NLK: variants seen among roughly 807,000 people sequenced by gnomAD.
The protein encoded by NLK is serine/threonine-protein kinase NLK.
Under a neutral mutation model 59.0 loss-of-function variants are expected in NLK, and 11 were observed. That is an observed-to-expected ratio of 0.19 (90% CI 0.12 to 0.31). The LOEUF is 0.31. Ranked by LOEUF, NLK falls within the 10% of genes least tolerant of loss-of-function variation. The pLI, the probability that NLK is intolerant of heterozygous loss-of-function variation, is 1.00. For synonymous variants in NLK, 235 were observed against 235.9 expected, an observed-to-expected ratio of 1.00 and a Z score of 0.03; for missense variants, 410 against 661.1, an observed-to-expected ratio of 0.62 and a Z score of 4.16.
At chr17:28,150,665 C>T (rs1263802286) in intron 3 of NLK, among the ~76,000 whole-genome samples, 1 of 152,190 alleles carries the variant, frequency 6.6e-6, no homozygotes, top group Non-Finnish European at 1.5e-5. Flanking sequence ...CCCACTAAAA[C>T]ACTTGCATCA....
downstream of NLK, among the ~76,000 whole-genome samples, chr17:28,199,900 G>T (rs965051009): frequency 6.6e-6 from 1 of 152,120 alleles, no homozygotes; most frequent in Non-Finnish European, 1.5e-5. Flanking sequence ...AGACAGGGTT[G>T]ACTGCCCTGG....
chr17:28,159,895 T>A (rs988772106), intron 3 of NLK, among the ~76,000 whole-genome samples: 1 of 152,138 alleles, frequency 6.6e-6, no homozygotes, highest in Non-Finnish European at 1.5e-5. Flanking sequence ...TCTGATGAAT[T>A]GGAGGTATGG....
chr17:28,191,492 G>A (rs539821074), intron 9 of NLK, among the ~76,000 whole-genome samples: 1 of 152,296 alleles, frequency 6.6e-6, no homozygotes, highest in South Asian at 2.1e-4. Flanking sequence ...TTCACTCAGT[G>A]TCATTTCATT....
At chr17:28,105,280 C>T (rs1905037898) in intron 1 of NLK, among the ~76,000 whole-genome samples, 1 of 152,202 alleles carries the variant, frequency 6.6e-6, no homozygotes, top group South Asian at 2.1e-4. Context: ...ATGTAATATA[C>T]ACCTGAAATT....
chr17:28,126,728 T>G (rs1303927435), intron 2 of NLK, among the ~76,000 whole-genome samples: 1 of 152,170 alleles, frequency 6.6e-6, no homozygotes, highest in Non-Finnish European at 1.5e-5. Context: ...CTTCACCATC[T>G]TAACACATTC....
At chr17:28,115,203 A>ATGGAAGCACTTCCTAT (rs548750245) in intron 1 of NLK, among the ~76,000 whole-genome samples, 156 of 152,312 alleles carry the variant, frequency 1.0e-3, no homozygotes, top group African/African-American at 3.7e-3. Context: ...AGAAACAGAC[A>ATGGAAGCACTTCCTAT]GGAAGCCCAT....
At chr17:28,184,920 C>A (rs1305954190) in intron 7 of NLK, among the ~76,000 whole-genome samples, 1 of 152,076 alleles carries the variant, frequency 6.6e-6, no homozygotes, top group Admixed American at 6.6e-5. Flanking sequence ...TGCACCCTAG[C>A]CTGGGTGAGA....
chr17:28,104,145 ACT>A (rs1904994310), intron 1 of NLK, among the ~76,000 whole-genome samples: 1 of 152,228 alleles, frequency 6.6e-6, no homozygotes, highest in Non-Finnish European at 1.5e-5. Flanking sequence ...GCCATTTCTC[ACT>A]CTCTAGTTTC....
chr17:28,096,500 A>G (rs1260969078), intron 1 of NLK, among the ~76,000 whole-genome samples: 5 of 152,178 alleles, frequency 3.3e-5, no homozygotes, highest in South Asian at 2.1e-4. Flanking sequence ...CTAAGGGGCT[A>G]TAATTGAAGG....
intron 8 of NLK, among the ~76,000 whole-genome samples, chr17:28,188,758 T>A (rs1051902794): frequency 1.4e-4 from 21 of 152,196 alleles, no homozygotes; most frequent in African/African-American, 5.1e-4. Flanking sequence ...GTGAGCCACT[T>A]TTTAAATATC....
At chr17:28,128,820 A>G (rs891853760) in intron 2 of NLK, among the ~76,000 whole-genome samples, 2 of 152,206 alleles carry the variant, frequency 1.3e-5, no homozygotes, top group African/African-American at 4.8e-5. Context: ...AGAGAAATGA[A>G]TGCATATATT....
rs1354293956 is a variant in NLK, at chr17:28,120,252, G to GTGTGTA, written c.459-2346_459-2345insATGTGT. Reference sequence around the variant, plus strand: ...TGGCTTGGGGTGTGTGTGTGTGTGTGTGTGTGTGTGTGTGTGTGTGTATGT... The same window carrying GTGTGTA: ...TGGCTTGGGGTGTGTGTGTGTGTGTGTGTGTATGTGTGTGTGTGTGTGTGTGTATGT... On this transcript the variant is annotated intron_variant, in intron 1 of 10. Coordinates refer to ENST00000407008, the MANE Select transcript of NLK (RefSeq NM_016231.5). Among the ~76,000 whole-genome samples, 7 of 143,098 alleles carry GTGTGTA rather than the reference G, an allele frequency of 4.9e-5. No individual in the cohort carries two copies. The East Asian group carries it at 1.5e-3, about 32-fold the overall frequency. 93.9% of individuals were successfully genotyped at this position (143,098 alleles called of 152,430 possible). A position where few individuals can be genotyped will look rare whatever the true frequency, so the allele number is the denominator to read the frequency against.
intron 8 of NLK, among the ~76,000 whole-genome samples, chr17:28,188,608 G>C (rs901833060): frequency 1.3e-5 from 2 of 152,106 alleles, no homozygotes; most frequent in African/African-American, 4.8e-5. Context: ...CTCCTGAATA[G>C]CTGGGATTAC....
chr17:28,066,768 T>C (rs1001530957), intron 1 of NLK, among the ~76,000 whole-genome samples: 3 of 152,324 alleles, frequency 2.0e-5, no homozygotes, highest in Admixed American at 1.3e-4. Flanking sequence ...TTTGGTGATA[T>C]CCAATTTTTT....
intron 7 of NLK, among the ~76,000 whole-genome samples, chr17:28,179,836 G>A (rs1309645691): frequency 4.1e-5 from 6 of 147,886 alleles, no homozygotes; most frequent in Non-Finnish European, 7.4e-5. Context: ...ATGAGCCACC[G>A]TGCCCAGTTC....
At chr17:28,089,143 T>C (rs572929250) in intron 1 of NLK, among the ~76,000 whole-genome samples, 1 of 152,326 alleles carries the variant, frequency 6.6e-6, no homozygotes, top group South Asian at 2.1e-4. Flanking sequence ...AAGTTTGATG[T>C]ACGTATACAC....
At chr17:28,159,327 T>C (rs1426037588) in intron 3 of NLK, among the ~76,000 whole-genome samples, 1 of 152,220 alleles carries the variant, frequency 6.6e-6, no homozygotes, top group Non-Finnish European at 1.5e-5. Context: ...AAGATCATTC[T>C]GTGAAATGCA....
intron 1 of NLK, among the ~76,000 whole-genome samples, chr17:28,111,322 G>A (rs1905467720): frequency 1.3e-5 from 2 of 151,962 alleles, no homozygotes; most frequent in Non-Finnish European, 2.9e-5. Context: ...AAGTAACTGG[G>A]ATTACAGATG....
chr17:28,136,673 G>A (rs1020277065), intron 3 of NLK, among the ~76,000 whole-genome samples: 11 of 151,820 alleles, frequency 7.2e-5, no homozygotes, highest in Admixed American at 2.0e-4. Context: ...GCATAATCTC[G>A]GCTTACTGCA....
Sources: allele counts gnomAD v4.1 joint callset (sites outside exome capture counted in the v4.1 genomes callset), GRCh38; gene constraint gnomAD v4.1.1; transcripts MANE v1.5; gene names NCBI Gene and HGNC (gene_info 2026-07-23, HGNC 2026-07-21).